Variants in RANBP10 observed in about 807,000 individuals in gnomAD.
RANBP10 encodes the protein ran-binding protein 10.
A neutral mutation model predicts 72.8 loss-of-function variants in RANBP10; 24 were observed. The ratio of observed to expected loss-of-function variants is 0.33; its 90% CI spans 0.24 to 0.46. The LOEUF is 0.46. RANBP10 is among the 20% of genes least tolerant of loss of function. The pLI is 1.00. For missense variants in RANBP10, 679 were observed against 817.5 expected, an observed-to-expected ratio of 0.83 and a Z score of 2.07; for synonymous variants, 310 against 322.3, an observed-to-expected ratio of 0.96 and a Z score of 0.41.
chr16:67,784,365 T>C (rs759466576), intron 2 of RANBP10, among the ~76,000 whole-genome samples: 9 of 152,002 alleles, frequency 5.9e-5, no homozygotes, highest in Non-Finnish European at 1.0e-4. Context: ...CTACTAAAAA[T>C]ACAAAATTAG....
At chr16:67,743,471 A>T (rs1443817816) in intron 4 of RANBP10, among the ~76,000 whole-genome samples, 1 of 152,142 alleles carries the variant, frequency 6.6e-6, no homozygotes, top group Non-Finnish European at 1.5e-5. Context: ...GCATCAGAAT[A>T]GCCAAAGTCT....
chr16:67,744,135 C>A, intron 4 of RANBP10, 153 bp downstream of exon 4: 10 of 1,443,856 alleles, frequency 6.9e-6, no homozygotes, highest in Non-Finnish European at 9.1e-6. Context: ...CCCTGCTACC[C>A]TCTATTCACC....
chr16:67,739,241 C>T (rs1389095430), intron 4 of RANBP10, among the ~76,000 whole-genome samples: 1 of 152,210 alleles, frequency 6.6e-6, no homozygotes, highest in Admixed American at 6.5e-5. Flanking sequence ...GCTGGGATTA[C>T]AGGTGTGAGC....
intron 3 of RANBP10, among the ~76,000 whole-genome samples, chr16:67,745,420 T>C (rs2054052495): frequency 6.6e-6 from 1 of 152,016 alleles, no homozygotes; most frequent in Non-Finnish European, 1.5e-5. Context: ...CTGCAACCTC[T>C]GCCTCCCAGG....
intron 6 of RANBP10, among the ~76,000 whole-genome samples, chr16:67,732,414 TTGG>T (rs1200792496): frequency 6.6e-6 from 1 of 152,150 alleles, no homozygotes; most frequent in Non-Finnish European, 1.5e-5. Context: ...AGTGAATACC[TTGG>T]TGTGTACATG....
At chr16:67,778,654 T>C (rs2054755239) in intron 2 of RANBP10, among the ~76,000 whole-genome samples, 1 of 152,100 alleles carries the variant, frequency 6.6e-6, no homozygotes, top group Non-Finnish European at 1.5e-5. Context: ...AGTTTGGGAC[T>C]AGCCTGGGCG....
At chr16:67,728,367 G>C (rs1218511400) in intron 11 of RANBP10, 23 bp downstream of exon 11, 1 of 1,611,480 alleles carries the variant, frequency 6.2e-7, no homozygotes, top group African/African-American at 1.3e-5. Flanking sequence ...TCAAAGAATA[G>C]CACACCGGGC....
intron 2 of RANBP10, among the ~76,000 whole-genome samples, chr16:67,781,714 T>C (rs2054814624): frequency 6.6e-6 from 1 of 152,134 alleles, no homozygotes; most frequent in Non-Finnish European, 1.5e-5. Flanking sequence ...TTCCTACCGT[T>C]GCCTGCCAAA....
chr16:67,737,861 C>T, intron 5 of RANBP10, 152 bp downstream of exon 5: 1 of 982,422 alleles, frequency 1.0e-6, no homozygotes, highest in Non-Finnish European at 1.6e-6. Flanking sequence ...CCAGCAAGTG[C>T]CCCTCCTGGT....
In RANBP10 at chr16:67,729,741, G is replaced by A. The variant is rs2053686269; in HGVS notation, c.1086C>T (p.Tyr362=). 1.2e-6 allele frequency: 2 copies of A among 1,614,128 alleles called. No homozygotes were observed. Among genetic ancestry groups the A allele is most frequent in the Non-Finnish European group, 8.5e-7 (1 of 1,180,032 alleles). ...SSRSPKSQDS[Y]PGSPSLSPRH... ...GGGGACTGAGGCTGGGGGAGCCAGGGTAGCTGTCCTGGGACTTGGGGCTTC... is the reference window on the plus strand; with the variant it reads ...GGGGACTGAGGCTGGGGGAGCCAGGATAGCTGTCCTGGGACTTGGGGCTTC... Residue 362 remains tyrosine, a synonymous_variant, in exon 9 of 14, where the codon TAC becomes TAT. Coordinates refer to ENST00000317506, the MANE Select transcript of RANBP10 (RefSeq NM_020850.3). The surrounding 1 kb of genome is among the most constrained non-coding windows in gnomAD (Gnocchi z 7.1).
chr16:67,754,740 G>A (rs1184381049), intron 3 of RANBP10, among the ~76,000 whole-genome samples: 1 of 152,222 alleles, frequency 6.6e-6, no homozygotes, highest in African/African-American at 2.4e-5. Context: ...TGCCAGGAAA[G>A]CCAGTGGGGC....
chr16:67,788,754 A>G (rs2054967718), intron 2 of RANBP10, among the ~76,000 whole-genome samples: 1 of 151,312 alleles, frequency 6.6e-6, no homozygotes, highest in African/African-American at 2.4e-5. Context: ...TAATTCCAGC[A>G]CTTTGGGAGG....
Position 67,729,206 on chromosome 16 carries a change from T to C in RANBP10, c.1352+74A>G. ...AGGCTGGGGGTGAAGGGCAGGGCGC[T>C]CAAAGGACAGACTGCAATGGGCCCA... On this transcript the variant is annotated intron_variant, in intron 10 of 13. Transcript: ENST00000317506. This position sits in a 1 kb window ranked among gnomAD's most constrained non-coding sequence, Gnocchi z 7.1. 1 of 1,570,346 alleles carries C rather than the reference T, an allele frequency of 6.4e-7. No individual in the cohort carries two copies.
At position 67,726,572 on chromosome 16, in the gene RANBP10, A is replaced by T; in HGVS notation, c.1733-14T>A. On this transcript the variant is annotated splice_polypyrimidine_tract_variant and intron_variant, in intron 13 of 13. Transcript: ENST00000317506. Reference sequence around the variant, plus strand: ...GGTTCTGGGACTCTGTGGAGGAAAGACAAGGCCTGGTCACTGGCCTGCCCA... The same window carrying T: ...GGTTCTGGGACTCTGTGGAGGAAAGTCAAGGCCTGGTCACTGGCCTGCCCA... 1 of 1,548,972 alleles carries T rather than the reference A, an allele frequency of 6.5e-7. No individual in the cohort carries two copies. The highest frequency in any genetic ancestry group is 8.7e-7 in the Non-Finnish European group (1 of 1,145,602).
intron 2 of RANBP10, among the ~76,000 whole-genome samples, chr16:67,773,089 T>C (rs546510274): frequency 1.8e-4 from 28 of 152,344 alleles, no homozygotes; most frequent in African/African-American, 6.7e-4. Flanking sequence ...AAATCTCATG[T>C]AGACATGTAA....
intron 3 of RANBP10, among the ~76,000 whole-genome samples, chr16:67,763,098 G>C (rs1287512498): frequency 6.6e-6 from 1 of 152,156 alleles, no homozygotes; most frequent in Non-Finnish European, 1.5e-5. Context: ...CATGTGCAGA[G>C]GGCAGAGGTA....
chr16:67,754,922 T>C (rs924501557), intron 3 of RANBP10, among the ~76,000 whole-genome samples: 10 of 152,108 alleles, frequency 6.6e-5, no homozygotes, highest in Admixed American at 6.5e-4. Context: ...TAGGAAACAT[T>C]CTAAGACTCC....
intron 2 of RANBP10, among the ~76,000 whole-genome samples, chr16:67,785,890 G>A (rs996024015): frequency 3.9e-5 from 6 of 151,902 alleles, no homozygotes; most frequent in Admixed American, 3.9e-4. Flanking sequence ...GCCGAGCATG[G>A]TGGCAGGCGC....
intron 2 of RANBP10, among the ~76,000 whole-genome samples, chr16:67,799,577 GC>G (rs375787876): frequency 1.5e-4 from 23 of 152,118 alleles, no homozygotes; most frequent in African/African-American, 4.8e-4. Flanking sequence ...GTGAGCCACT[GC>G]GCCCGGCCAG....
Sources: allele counts gnomAD v4.1 joint callset (sites outside exome capture counted in the v4.1 genomes callset), GRCh38; gene constraint gnomAD v4.1.1; non-coding constraint Gnocchi (gnomAD v3.1); transcripts MANE v1.5; gene names NCBI Gene and HGNC (gene_info 2026-07-23, HGNC 2026-07-21).